Variants in MMS19 observed in about 807,000 individuals in gnomAD.
MMS19 encodes MMS19 cytosolic iron-sulfur assembly component.
MMS19 carries 77 observed loss-of-function variants against 129.8 expected under a neutral mutation model. The ratio of observed to expected loss-of-function variants is 0.59; its 90% CI spans 0.49 to 0.72. MMS19 has a LOEUF of 0.72. Among genes scored for constraint, MMS19 ranks in the 30% least tolerant of loss-of-function variants. The pLI is 0.00. For missense variants in MMS19, 1,168 were observed against 1,266.3 expected (o/e 0.92, Z 1.18); for synonymous variants, 491 against 502.8 (o/e 0.98, Z 0.31).
chr10:97,491,428 AG>A (rs1403388556), intron 1 of MMS19, among the ~76,000 whole-genome samples: 12 of 152,312 alleles, frequency 7.9e-5, no homozygotes, highest in South Asian at 2.1e-4. Context: ...GCACTCTGGG[AG>A]GACGAGGTGG....
At chr10:97,486,231 G>C (rs1027240166) in intron 1 of MMS19, among the ~76,000 whole-genome samples, 29 of 152,182 alleles carry the variant, frequency 1.9e-4, no homozygotes, top group Admixed American at 1.7e-3. Flanking sequence ...ACCCAGGCTG[G>C]AGTGCAGTGG....
chr10:97,459,808 A>C (rs986916606), intron 26 of MMS19, 67 bp from the exon 27 acceptor site: 1 of 1,309,482 alleles, frequency 7.6e-7, no homozygotes, highest in South Asian at 1.3e-5. Flanking sequence ...AATCAATTCC[A>C]ATCTGTGGTG....
chr10:97,498,303 G>A lies in MMS19; in HGVS notation c.82C>T (p.Gln28Ter). The change falls in exon 1 of 31, where the codon CAA becomes TAA. Residue 28 changes from glutamine (Q) to a stop codon, truncating the protein, a stop_gained. Coordinates refer to ENST00000438925, the MANE Select transcript of MMS19 (RefSeq NM_022362.5). LOFTEE classifies it high-confidence loss of function. ...GLVHDFVVGQ[Q>*]EGPADQVAAD... Reference sequence around the variant, plus strand: ...GCCACCTGGTCAGCGGGGCCCTCTTGCTGACCCACGACGAAGTCGTGCACG... The same window carrying A: ...GCCACCTGGTCAGCGGGGCCCTCTTACTGACCCACGACGAAGTCGTGCACG... 1 of 1,571,908 alleles carries A rather than the reference G, an allele frequency of 6.4e-7. No individual in the cohort carries two copies. The highest frequency in any genetic ancestry group is 8.6e-7 in the Non-Finnish European group (1 of 1,165,978).
intron 1 of MMS19, among the ~76,000 whole-genome samples, chr10:97,493,122 C>T (rs1448668591): frequency 6.6e-6 from 1 of 151,950 alleles, no homozygotes; most frequent in Non-Finnish European, 1.5e-5. Context: ...AGTGATTCTC[C>T]TACCTCAGCC....
rs1564667462 is a variant in MMS19, at chr10:97,477,893, A to C, written c.385T>G (p.Ser129Ala). Residue 129 changes from serine to alanine, a missense_variant, in exon 5 of 31, where the codon TCT becomes GCT. Physicochemically the swap from Ser to Ala is moderately conservative, Grantham distance 99. Around this residue, in one of 3 missense-constraint regions of MMS19, gnomAD observed 329 missense variants for 328.6 expected, o/e 1.00. Coordinates refer to ENST00000438925, the MANE Select transcript of MMS19 (RefSeq NM_022362.5). ...TCCTGGAAGATGGCTTTAAGCACAG[A>C]AACAGCCAGCCCTGGGGGCAGGGCC... ...CVALPPGLAV[S>A]VLKAIFQEVH... is the part of the protein sequence containing the mutation. 1 of 1,609,522 alleles carries C rather than the reference A, an allele frequency of 6.2e-7. No homozygotes were observed. Among genetic ancestry groups the C allele is most frequent in the Non-Finnish European group, 8.5e-7 (1 of 1,178,314 alleles).
Position 97,459,232 on chromosome 10 carries a change from G to C in MMS19, c.2955C>G (p.Pro985=). ...CACCTGAGGTACTTACCACAGGGGT[G>C]GGCAGGCGAGTGAGAGCATGCATGC... ...LQCMHALTRL[P]TPVLLPYKPQ... Residue 985 remains proline (P), a synonymous_variant, in exon 29 of 31, where the codon CCC becomes CCG. Transcript: ENST00000438925. 6.2e-7 allele frequency: 1 copy of C among 1,611,952 alleles called. No individual in the cohort carries two copies. The highest frequency in any genetic ancestry group is 8.5e-7 in the Non-Finnish European group (1 of 1,179,168).
chr10:97,462,853 A>G, intron 19 of MMS19, 171 bp from the exon 20 acceptor site: 2 of 626,592 alleles, frequency 3.2e-6, no homozygotes, highest in Non-Finnish European at 5.7e-6. Context: ...CACCAGAAAC[A>G]GGAGTGGTCT....
At chr10:97,487,041 T>C (rs901173679) in intron 1 of MMS19, among the ~76,000 whole-genome samples, 4 of 151,382 alleles carry the variant, frequency 2.6e-5, no homozygotes, top group Non-Finnish European at 4.4e-5. Flanking sequence ...TATACACTTT[T>C]GAATATACTT....
intron 29 of MMS19, 67 bp from the exon 30 acceptor site, chr10:97,458,967 T>G: frequency 6.8e-7 from 1 of 1,465,058 alleles, no homozygotes; most frequent in Non-Finnish European, 9.5e-7. Flanking sequence ...CTTTTTTGAT[T>G]CTGTACAACT....
At chr10:97,498,453 T>C (rs1362670706), upstream of MMS19, 2 of 1,529,768 alleles carry the variant, frequency 1.3e-6, no homozygotes, top group Non-Finnish European at 1.7e-6. Flanking sequence ...CGCATGCGCC[T>C]CCCGAGCCAA....
chr10:97,477,934 G>A lies in MMS19; in HGVS notation c.349-5C>T, dbSNP rs1356844337. 2 of 1,588,394 alleles carry A rather than the reference G, an allele frequency of 1.3e-6. No homozygotes were observed. Among genetic ancestry groups the A allele is most frequent in the African/African-American group, 1.4e-5 (1 of 73,876 alleles). ...GGGCAGGGCCACACACAGGCTCTGG[G>A]GGAGAGGAGAAGGTACGTGAATACC... On this transcript the variant is annotated splice_region_variant and splice_polypyrimidine_tract_variant and intron_variant, in intron 4 of 30. Coordinates refer to ENST00000438925, the MANE Select transcript of MMS19 (RefSeq NM_022362.5).
In MMS19 at chr10:97,466,533, C is replaced by G. The variant is rs778137389; in HGVS notation, c.1476G>C (p.Leu492=). 6.2e-7 allele frequency: 1 copy of G among 1,613,884 alleles called. No individual in the cohort carries two copies. The highest frequency in any genetic ancestry group is 1.1e-5 in the South Asian group (1 of 91,080). The change falls in exon 16 of 31, where the codon CTG becomes CTC. Residue 492 remains leucine (L), a synonymous_variant. Transcript: ENST00000438925. ...TCTGGGAATCCTCCTTCAGGAAGCT[C>G]AGTCTGTACAGGTGACCCACTGCCA... The part of the protein sequence containing the change: ...LELAVGHLYR[L]SFLKEDSQSC...
intron 8 of MMS19, among the ~76,000 whole-genome samples, chr10:97,476,200 CTTT>C (rs1371279206): frequency 1.3e-5 from 2 of 152,178 alleles, no homozygotes; most frequent in Non-Finnish European, 2.9e-5. Context: ...ATTGTGCCTT[CTTT>C]GTTTTGTCAC....
In MMS19 at chr10:97,458,575, C is replaced by G; in HGVS notation, c.*117G>C. On this transcript the variant is annotated 3_prime_UTR_variant, in exon 31 of 31. Transcript: ENST00000438925. Reference sequence around the variant, plus strand: ...ATGCAACAGAGGCCTAGCATTTGTGCTGTGTCTGTGGGAAAGGCAGTCAGA... The same window carrying G: ...ATGCAACAGAGGCCTAGCATTTGTGGTGTGTCTGTGGGAAAGGCAGTCAGA... The G allele has an allele frequency of 1.0e-6, 1 of 971,526 alleles. No individual in the cohort carries two copies. Among genetic ancestry groups the G allele is most frequent in the Non-Finnish European group, 1.5e-6 (1 of 655,222 alleles). 60.2% of individuals were successfully genotyped at this position (971,526 alleles called of 1,614,324 possible).
At chr10:97,479,709 A>G (rs1210525617) in intron 3 of MMS19, among the ~76,000 whole-genome samples, 2 of 152,100 alleles carry the variant, frequency 1.3e-5, no homozygotes, top group African/African-American at 2.4e-5. Flanking sequence ...AAAGGATCTT[A>G]TTTTGTGAAC....
rs1035155694 is a variant in MMS19, at chr10:97,480,971, T to C, written c.233A>G (p.His78Arg). ...CTTCTCCAGGAGCAAGGTGTGACAG[T>C]GGAGTAGCACCTGTGACAAAAGCTG... ...AIQLLSQVLLHCHTLLLEKEV... is the reference protein window; with the variant it reads ...AIQLLSQVLLRCHTLLLEKEV... Residue 78 changes from histidine to arginine, a missense_variant, in exon 3 of 31, where the codon CAC (histidine) becomes CGC (arginine). By Grantham distance (29) the His-to-Arg change is conservative (BLOSUM62 0). Transcript: ENST00000438925. The C allele has an allele frequency of 2.5e-6, 4 of 1,609,342 alleles. No homozygotes were observed. In the African/African-American group the frequency reaches 5.3e-5, roughly 21 times the overall value.
In MMS19 at chr10:97,459,739, C is replaced by T. The variant is rs2031163312; in HGVS notation, c.2659G>A (p.Val887Met). The change falls in exon 27 of 31, where the codon GTG becomes ATG. Residue 887 changes from valine (V) to methionine (M), a missense_variant and splice_region_variant. Physicochemically the swap from Val to Met is conservative, Grantham distance 21. Coordinates refer to ENST00000438925, the MANE Select transcript of MMS19 (RefSeq NM_022362.5). ...VQGFHAAPQD[V>M]KPNYLKGLSH... ...AGACCCTTCAAGTAGTTTGGCTTCA[C>T]ATCTGTAAAAAATGGAAAGGCTTAG... 6.2e-7 allele frequency: 1 copy of T among 1,608,502 alleles called. No individual in the cohort carries two copies. Among genetic ancestry groups the T allele is most frequent in the Non-Finnish European group, 8.5e-7 (1 of 1,177,132 alleles).
rs928326015 is a variant in MMS19, at chr10:97,496,503, C to A, written c.112+1770G>T. ...CTCCAGCCTGGCAGACAGAGAGGGA[C>A]CTTGTCTCAAAAAAAAAAAAAAAAA... On this transcript the variant is annotated intron_variant, in intron 1 of 30. Coordinates refer to ENST00000438925, the MANE Select transcript of MMS19 (RefSeq NM_022362.5). 8.6e-5 allele frequency among the ~76,000 whole-genome samples: 11 copies of A among 127,572 alleles called. No individual in the cohort carries two copies. In the East Asian group the frequency reaches 1.6e-3, roughly 18 times the overall value. The allele number at this position is 127,572 out of a possible 152,430, so 83.7% of individuals were successfully genotyped here. A position where few individuals can be genotyped will look rare whatever the true frequency, so the allele number is the denominator to read the frequency against.
At chr10:97,462,478 T>A in intron 20 of MMS19, 105 bp downstream of exon 20, 1 of 785,212 alleles carries the variant, frequency 1.3e-6, no homozygotes, top group Non-Finnish European at 2.2e-6. Flanking sequence ...TGCACCACAT[T>A]TACATATAGG....
Sources: allele counts gnomAD v4.1 joint callset (sites outside exome capture counted in the v4.1 genomes callset), GRCh38; gene constraint gnomAD v4.1.1; regional missense constraint gnomAD v4.1.1; transcripts MANE v1.5; gene names NCBI Gene and HGNC (gene_info 2026-07-23, HGNC 2026-07-21).